Variants in LRRC9 observed in about 807,000 individuals in gnomAD.
LRRC9 encodes leucine rich repeat containing 9.
In LRRC9, 122 loss-of-function variants were observed where a neutral mutation model predicts 63.2. The ratio of observed to expected loss-of-function variants is 1.93; its 90% confidence interval spans 1.67 to 2.24. The LOEUF is 2.24. Among genes scored for constraint, LRRC9 ranks in the 30% most tolerant of loss-of-function variants. The pLI is 0.00. For synonymous variants in LRRC9, 366 were observed against 213.1 expected, an observed-to-expected ratio of 1.72 and a Z score of -6.25; for missense variants, 1,071 against 627.7, an observed-to-expected ratio of 1.71 and a Z score of -7.55.
At chr14:60,049,254 G>A (rs550224674) in intron 29 of LRRC9, among the ~76,000 whole-genome samples, 3 of 152,180 alleles carry the variant, frequency 2.0e-5, no homozygotes, top group South Asian at 2.1e-4. Flanking sequence ...GACCATTTGC[G>A]TTTAAGGTTA....
Position 60,033,519 on chromosome 14 carries a change from T to A in LRRC9, c.3990+1456T>A, listed in dbSNP as rs1248514120. On this transcript the variant is annotated intron_variant, in intron 29 of 31. Coordinates refer to ENST00000445360, the Ensembl canonical transcript of LRRC9. Reference sequence around the variant, plus strand: ...TTTGTCTTGAATGGGCATTGCCTTTTCAGTAATTGGTAATATAGTTTTTCT... The same window carrying A: ...TTTGTCTTGAATGGGCATTGCCTTTACAGTAATTGGTAATATAGTTTTTCT... 6.6e-5 allele frequency among the ~76,000 whole-genome samples: 10 copies of A among 152,280 alleles called. No homozygotes were observed. The East Asian group carries it at 1.9e-3, about 29-fold the overall frequency.
chr14:60,008,650 A>T (rs1030036645), intron 23 of LRRC9, among the ~76,000 whole-genome samples: 1 of 152,176 alleles, frequency 6.6e-6, no homozygotes, highest in African/African-American at 2.4e-5. Context: ...GTAAGCTGTA[A>T]AGAAAAATAG....
In LRRC9 at chr14:59,930,607, C is replaced by T. The variant is rs1376652415; in HGVS notation, c.268-311C>T. ...ATAATCATAACCATATGATCATAAT[C>T]ATTTCTATATGATTATAATCATAAC... On this transcript the variant is annotated intron_variant, in intron 3 of 31. Coordinates refer to ENST00000445360, the Ensembl canonical transcript of LRRC9. The surrounding 1 kb of genome is among the most constrained non-coding windows in gnomAD (Gnocchi z 4.9). 4.0e-5 allele frequency among the ~76,000 whole-genome samples: 6 copies of T among 151,450 alleles called. No homozygotes were observed. The highest frequency in any genetic ancestry group is 2.4e-5 in the African/African-American group (1 of 41,278).
chr14:59,997,665 G>A (rs1237293783), exon 18 of LRRC9: 3 of 694,902 alleles, frequency 4.3e-6, no homozygotes, highest in African/African-American at 1.8e-5. Context: ...GTATAACCTT[G>A]AATATTTGGA....
At chr14:60,008,951 A>G (rs1424003974) in intron 23 of LRRC9, among the ~76,000 whole-genome samples, 1 of 152,162 alleles carries the variant, frequency 6.6e-6, no homozygotes, top group Non-Finnish European at 1.5e-5. Context: ...TGGGTCACTA[A>G]AACTTTCTCA....
At chr14:60,034,407 T>C (rs1892261082) in intron 29 of LRRC9, among the ~76,000 whole-genome samples, 1 of 152,156 alleles carries the variant, frequency 6.6e-6, no homozygotes, top group South Asian at 2.1e-4. Flanking sequence ...AACATACATA[T>C]ACAATTTACC....
At chr14:60,018,067 TAAAG>T (rs1237865523) in intron 24 of LRRC9, among the ~76,000 whole-genome samples, 1 of 152,104 alleles carries the variant, frequency 6.6e-6, no homozygotes, top group Non-Finnish European at 1.5e-5. Flanking sequence ...TGTGAATTTA[TAAAG>T]AAAGTGGAAA....
chr14:59,989,343 T>A (rs1887808891), intron 17 of LRRC9, among the ~76,000 whole-genome samples: 1 of 152,100 alleles, frequency 6.6e-6, no homozygotes, highest in Admixed American at 6.5e-5. Flanking sequence ...GAATCCTTTT[T>A]GTCTCTTCAT....
At chr14:60,056,459 T>C (rs982461486) in intron 30 of LRRC9, among the ~76,000 whole-genome samples, 16 of 152,220 alleles carry the variant, frequency 1.1e-4, no homozygotes, top group Non-Finnish European at 8.8e-5. Flanking sequence ...ATGAATACTT[T>C]ACTAAAGGGT....
At chr14:60,026,697 G>A (rs929286062) in intron 27 of LRRC9, among the ~76,000 whole-genome samples, 1 of 151,990 alleles carries the variant, frequency 6.6e-6, no homozygotes, top group African/African-American at 2.4e-5. Context: ...TAGGGGTCAA[G>A]TTTCATTTCT....
intron 24 of LRRC9, 159 bp from the exon 25 acceptor site, chr14:60,018,212 T>C (rs1289567188): frequency 7.1e-6 from 4 of 562,396 alleles, no homozygotes; most frequent in African/African-American, 1.9e-5. Context: ...ATTCAGCCGA[T>C]CATTTAACCA....
chr14:60,022,775 G>A (rs1051740786), exon 27 of LRRC9: 3 of 689,370 alleles, frequency 4.4e-6, no homozygotes, highest in East Asian at 2.7e-5. Context: ...ATAATGCACA[G>A]TTTAGAAGTT....
intron 23 of LRRC9, among the ~76,000 whole-genome samples, chr14:60,010,108 C>T (rs1460688180): frequency 6.6e-6 from 1 of 152,184 alleles, no homozygotes. Context: ...AGTGGTCCCC[C>T]CCTCACAGCT....
At chr14:59,956,550 C>G (rs150929759) in intron 8 of LRRC9, among the ~76,000 whole-genome samples, 1 of 152,116 alleles carries the variant, frequency 6.6e-6, no homozygotes, top group African/African-American at 2.4e-5. Flanking sequence ...TGAGAGGGGT[C>G]TCCTGAATAC....
intron 10 of LRRC9, among the ~76,000 whole-genome samples, chr14:59,965,882 CAAAAAAAAAAAAAAAAAAAAAAAAA>C (rs71111678): frequency 2.1e-4 from 6 of 29,224 alleles, no homozygotes; most frequent in Non-Finnish European, 2.7e-4. Context: ...GACTCCGCCT[CAAAAAAAAAAAAAAAAAAAAAAAAA>C]AAAAAAAAAA....
At chr14:59,994,524 G>A (rs1272896429) in intron 17 of LRRC9, among the ~76,000 whole-genome samples, 1 of 152,156 alleles carries the variant, frequency 6.6e-6, no homozygotes, top group Non-Finnish European at 1.5e-5. Context: ...TATACCCAAA[G>A]GATTACAAAT....
intron 14 of LRRC9, 31 bp downstream of exon 14, chr14:59,977,378 T>C (rs1052016369): frequency 6.2e-6 from 4 of 641,442 alleles, no homozygotes; most frequent in Non-Finnish European, 1.1e-5. Flanking sequence ...AATGTGGTTT[T>C]ATCTCTCTGA....
rs376670821 is a variant in LRRC9, at chr14:59,933,571, C to G, written c.543+1532C>G. Among the ~76,000 whole-genome samples the G allele has an allele frequency of 1.1e-4, 17 of 151,938 alleles. No homozygotes were observed. The East Asian group carries it at 3.1e-3, about 27-fold the overall frequency. On this transcript the variant is annotated intron_variant, in intron 6 of 31. Coordinates refer to ENST00000445360, the Ensembl canonical transcript of LRRC9. ...TTTACTATAGAAATAATTTTGAGTT[C>G]ATAAGTATTAAAGTAGGCATTCTTT...
intron 8 of LRRC9, among the ~76,000 whole-genome samples, chr14:59,956,961 C>T (rs1018994272): frequency 6.6e-6 from 1 of 152,104 alleles, no homozygotes; most frequent in Non-Finnish European, 1.5e-5. Flanking sequence ...TTGGCCCTCA[C>T]TCTCTTCTGG....
Sources: gnomAD v4.1 joint callset for allele counts (sites outside exome capture counted in the v4.1 genomes callset) on GRCh38, gnomAD v4.1.1 for gene constraint, Gnocchi (gnomAD v3.1) non-coding constraint, MANE v1.5 for transcripts, NCBI Gene and HGNC (gene_info 2026-07-23, HGNC 2026-07-21) for gene names.